Variants in SPECC1 observed in about 807,000 individuals in gnomAD.
SPECC1 encodes the protein cytospin-B.
In SPECC1, 62 loss-of-function variants were observed where a neutral mutation model predicts 104.1. The observed-to-expected ratio is 0.60, with a 90% CI of 0.49 to 0.74. The LOEUF is 0.74. SPECC1 is among the 30% of genes least tolerant of loss of function. The pLI, the probability that SPECC1 is intolerant of heterozygous loss-of-function variation, is 0.00. For synonymous variants in SPECC1, 513 were observed against 501.6 expected (o/e 1.02, Z -0.30); for missense variants, 1,306 against 1,310.5 (o/e 1.00, Z 0.05).
At chr17:20,274,153 A>G (rs1177001119) in intron 12 of SPECC1, among the ~76,000 whole-genome samples, 5 of 152,170 alleles carry the variant, frequency 3.3e-5, no homozygotes, top group Admixed American at 6.5e-5. Flanking sequence ...TTTCCCCCAG[A>G]TGGATGGCTA....
intron 3 of SPECC1, among the ~76,000 whole-genome samples, chr17:20,116,016 A>G (rs570885633): frequency 3.3e-5 from 5 of 152,306 alleles, no homozygotes; most frequent in Non-Finnish European, 5.9e-5. Flanking sequence ...AAATTCTATT[A>G]GAGACAATAA....
At chr17:20,023,006 C>G (rs1459914790) in intron 1 of SPECC1, among the ~76,000 whole-genome samples, 2 of 152,166 alleles carry the variant, frequency 1.3e-5, no homozygotes, top group Admixed American at 6.5e-5. Context: ...TCGGCTCATT[C>G]CTTTTTGCCA....
At chr17:20,048,374 C>A (rs1245962101) in intron 1 of SPECC1, among the ~76,000 whole-genome samples, 3 of 152,034 alleles carry the variant, frequency 2.0e-5, no homozygotes, top group African/African-American at 4.8e-5. Flanking sequence ...ACCTCGTGAT[C>A]TGTCCGCCTC....
chr17:20,056,215 T>C (rs1194208563), intron 1 of SPECC1: 1 of 152,162 alleles, frequency 6.6e-6, no homozygotes, highest in African/African-American at 2.4e-5. Context: ...TACCAAAATA[T>C]TCACCATAAT....
intron 1 of SPECC1, among the ~76,000 whole-genome samples, chr17:20,028,952 G>C (rs1231811688): frequency 1.3e-5 from 2 of 152,074 alleles, no homozygotes; most frequent in East Asian, 1.9e-4. Flanking sequence ...AGAAGAGATA[G>C]GGTTTCTCCA....
intron 3 of SPECC1, among the ~76,000 whole-genome samples, chr17:20,118,912 C>T (rs1202648697): frequency 6.6e-6 from 1 of 151,932 alleles, no homozygotes; most frequent in African/African-American, 2.4e-5. Context: ...TTATTGTTTG[C>T]TTATAGCATC....
chr17:20,262,445 T>C (rs2040062528), intron 12 of SPECC1, among the ~76,000 whole-genome samples: 1 of 152,236 alleles, frequency 6.6e-6, no homozygotes, highest in African/African-American at 2.4e-5. Context: ...TTCTCTGCAT[T>C]CACATCAACA....
chr17:20,191,562 G>A lies in SPECC1; in HGVS notation c.284-12771G>A, dbSNP rs189578675. Among the ~76,000 whole-genome samples the A allele has an allele frequency of 5.4e-5, 8 of 148,320 alleles. No individual in the cohort carries two copies. In the East Asian group the frequency reaches 1.4e-3, roughly 26 times the overall value. On this transcript the variant is annotated intron_variant, in intron 3 of 14. Coordinates refer to ENST00000395527, the MANE Select transcript of SPECC1 (RefSeq NM_001243439.2). The stretch of plus-strand genomic sequence containing the variant: ...CAGAATGTGCAGGTTTGTTACATAG[G>A]TATGCACATACCATGATGGTTTGTT...
intron 3 of SPECC1, among the ~76,000 whole-genome samples, chr17:20,167,934 A>G (rs536275689): frequency 1.3e-5 from 2 of 152,336 alleles, no homozygotes; most frequent in African/African-American, 4.8e-5. Context: ...GCTTAGGATC[A>G]GGTTAAGTCA....
intron 3 of SPECC1, chr17:20,185,124 T>G (rs745498263): frequency 2.6e-5 from 4 of 152,232 alleles, no homozygotes; most frequent in Non-Finnish European, 5.9e-5. Context: ...ATGAATGGGT[T>G]TTGAGATAAA....
chr17:20,168,865 G>A (rs919007258), intron 3 of SPECC1, among the ~76,000 whole-genome samples: 7 of 152,016 alleles, frequency 4.6e-5, no homozygotes, highest in African/African-American at 9.7e-5. Context: ...AATCAGAAAC[G>A]ATGGTATATT....
At chr17:20,061,056 C>T (rs61344918) in intron 1 of SPECC1, among the ~76,000 whole-genome samples, 3,834 of 152,180 alleles carry the variant, frequency 0.025, 161 homozygotes, top group African/African-American at 0.086. Context: ...TATATGTGAA[C>T]AAAATTGTTT....
At chr17:20,061,981 C>T (rs189082949) in intron 1 of SPECC1, among the ~76,000 whole-genome samples, 9 of 152,036 alleles carry the variant, frequency 5.9e-5, no homozygotes, top group East Asian at 1.9e-4. Flanking sequence ...ATTTTGTGGC[C>T]GGGCACGGTG....
At chr17:20,144,187 T>C (rs913144834) in intron 3 of SPECC1, among the ~76,000 whole-genome samples, 2 of 134,892 alleles carry the variant, frequency 1.5e-5, no homozygotes, top group Non-Finnish European at 3.2e-5. Flanking sequence ...TTTTTTTTTT[T>C]TTTTTTTTTT....
At chr17:20,188,438 A>G (rs1306776768) in intron 3 of SPECC1, among the ~76,000 whole-genome samples, 1 of 151,936 alleles carries the variant, frequency 6.6e-6, no homozygotes, top group Admixed American at 6.6e-5. Flanking sequence ...TTGTATTTTT[A>G]GTAGAGACGG....
At chr17:20,090,788 G>A (rs2047371800) in intron 1 of SPECC1, among the ~76,000 whole-genome samples, 3 of 152,156 alleles carry the variant, frequency 2.0e-5, no homozygotes, top group Admixed American at 2.0e-4. Context: ...CAGTGATTGT[G>A]AGCTCTTGGT....
intron 12 of SPECC1, among the ~76,000 whole-genome samples, chr17:20,260,947 T>G (rs1014672615): frequency 1.3e-5 from 2 of 152,182 alleles, no homozygotes; most frequent in Non-Finnish European, 2.9e-5. Context: ...CATTCTTCCC[T>G]GAGATGAGGA....
intron 1 of SPECC1, among the ~76,000 whole-genome samples, chr17:20,035,275 A>G (rs1316867365): frequency 2.6e-5 from 4 of 152,090 alleles, no homozygotes; most frequent in Non-Finnish European, 5.9e-5. Flanking sequence ...GTTCCTTTGC[A>G]TATTTCCGTA....
chr17:20,033,934 C>T (rs748409817), intron 1 of SPECC1, among the ~76,000 whole-genome samples: 1 of 152,180 alleles, frequency 6.6e-6, no homozygotes, highest in Non-Finnish European at 1.5e-5. Flanking sequence ...TGATAGGGCT[C>T]TCTTCCTAAA....
Sources: gnomAD v4.1 joint callset for allele counts (sites outside exome capture counted in the v4.1 genomes callset) on GRCh38, gnomAD v4.1.1 for gene constraint, MANE v1.5 for transcripts, NCBI Gene and HGNC (gene_info 2026-07-23, HGNC 2026-07-21) for gene names.